Variants in LETM1 observed in about 807,000 individuals in gnomAD.
LETM1 encodes mitochondrial proton/calcium exchanger protein.
A neutral mutation model predicts 74.5 loss-of-function variants in LETM1; 50 were observed. The ratio of observed to expected loss-of-function variants is 0.67; its 90% confidence interval spans 0.53 to 0.85. The LOEUF (loss-of-function observed/expected upper bound fraction) is 0.85, where lower values mean the gene tolerates loss of function less well. LETM1 is among the 40% of genes least tolerant of loss of function. The pLI, the probability that LETM1 is intolerant of heterozygous loss-of-function variation, is 0.00. For synonymous variants in LETM1, 446 were observed against 407.1 expected (o/e 1.10, Z -1.15); for missense variants, 824 against 967.8 (o/e 0.85, Z 1.97).
intron 10 of LETM1, 64 bp from the exon 11 acceptor site, chr4:1,819,536 T>A (rs1711698611): frequency 4.5e-6 from 7 of 1,544,756 alleles, no homozygotes; most frequent in Middle Eastern, 3.5e-4. Flanking sequence ...TGTTCCCAAG[T>A]GACCAGCTGC....
At chr4:1,835,084 T>C (rs954274108) in intron 4 of LETM1, 102 bp from the exon 5 acceptor site, 7 of 1,093,272 alleles carry the variant, frequency 6.4e-6, no homozygotes, top group Non-Finnish European at 7.9e-6. Flanking sequence ...CAGAAACATT[T>C]CACAACACAC....
chr4:1,828,993 AC>A (rs1329413768), intron 6 of LETM1, among the ~76,000 whole-genome samples: 67 of 46,196 alleles, frequency 1.5e-3, no homozygotes, highest in South Asian at 2.6e-3. Flanking sequence ...AGGGGGGCTG[AC>A]CCCCCCCCAC....
In LETM1 at chr4:1,814,123, C is replaced by A. The variant is rs1232735798; in HGVS notation, c.*301G>T. ...GCACAGTCAGATGCTGAGACTGAGG[C>A]CACACACATGGGGGCGCCTTCCTGC... On this transcript the variant is annotated 3_prime_UTR_variant, in exon 14 of 14. Coordinates refer to ENST00000302787, the MANE Select transcript of LETM1 (RefSeq NM_012318.3). 13 of 413,200 alleles carry A rather than the reference C, an allele frequency of 3.1e-5. No individual in the cohort carries two copies. Among genetic ancestry groups the A allele is most frequent in the East Asian group, 5.2e-5 (1 of 19,076 alleles). The allele number at this position is 413,200 out of a possible 1,614,324, so 25.6% of individuals were successfully genotyped here.
At chr4:1,833,093 A>G (rs1712337759) in intron 5 of LETM1, 146 bp from the exon 6 acceptor site, 1 of 679,524 alleles carries the variant, frequency 1.5e-6, no homozygotes, top group African/African-American at 1.8e-5. Context: ...TTTGTTTGAG[A>G]CAGGGTCTCG....
chr4:1,829,242 G>A (rs1712165951), intron 6 of LETM1, among the ~76,000 whole-genome samples: 10 of 131,684 alleles, frequency 7.6e-5, no homozygotes, highest in South Asian at 2.9e-4. Flanking sequence ...CCTCCCTCCC[G>A]GACGGGGCGG....
In LETM1 at chr4:1,834,804, C is replaced by A; in HGVS notation, c.876+41G>T. ...AAGGGAAACAGAAAATCAGGGAAGG[C>A]TCCCTGGTGAGGTCACAGGGACTCA... On this transcript the variant is annotated intron_variant, in intron 5 of 13. Transcript: ENST00000302787. This position sits in a 1 kb window ranked among gnomAD's most constrained non-coding sequence, Gnocchi z 5.0. The A allele has an allele frequency of 6.2e-7, 1 of 1,608,366 alleles. No homozygotes were observed. Among genetic ancestry groups the A allele is most frequent in the Non-Finnish European group, 8.5e-7 (1 of 1,176,010 alleles).
intron 2 of LETM1, chr4:1,846,762 A>T (rs1712894966): frequency 6.6e-6 from 1 of 152,172 alleles, no homozygotes. Context: ...TCTGACACAG[A>T]TCTGGCTACT....
chr4:1,823,557 G>A, intron 8 of LETM1, 87 bp downstream of exon 8: 1 of 1,537,766 alleles, frequency 6.5e-7, no homozygotes, highest in Non-Finnish European at 8.9e-7. Flanking sequence ...GTTGAGGAAT[G>A]AGTGCGCTTG....
chr4:1,846,149 G>A (rs965910996), intron 2 of LETM1, among the ~76,000 whole-genome samples: 18 of 152,006 alleles, frequency 1.2e-4, no homozygotes, highest in African/African-American at 3.1e-4. Flanking sequence ...GAGCCACTGC[G>A]CCCGGCCTCA....
chr4:1,829,173 C>A (rs1272672195), intron 6 of LETM1, among the ~76,000 whole-genome samples: 6 of 109,852 alleles, frequency 5.5e-5, no homozygotes, highest in East Asian at 2.7e-4. Context: ...GGGGGCTGAC[C>A]CCCCCCCCAC....
chr4:1,821,420 G>T (rs1051682167), intron 10 of LETM1, among the ~76,000 whole-genome samples: 1 of 151,424 alleles, frequency 6.6e-6, no homozygotes, highest in African/African-American at 2.4e-5. Context: ...TGGGTGTGGT[G>T]GCTCACACCT....
chr4:1,826,909 C>T (rs1438331574), intron 6 of LETM1, among the ~76,000 whole-genome samples: 2 of 152,198 alleles, frequency 1.3e-5, no homozygotes, highest in Non-Finnish European at 2.9e-5. Context: ...GTGGAGTCGG[C>T]GCTCCACCCA....
intron 6 of LETM1, among the ~76,000 whole-genome samples, chr4:1,831,751 A>G (rs1712277868): frequency 6.6e-6 from 1 of 152,262 alleles, no homozygotes; most frequent in Non-Finnish European, 1.5e-5. Context: ...CCTGCTCACC[A>G]GAGATGCAGG....
intron 10 of LETM1, 34 bp downstream of exon 10, chr4:1,822,147 T>A (rs1344035258): frequency 7.3e-7 from 1 of 1,369,306 alleles, no homozygotes; most frequent in Non-Finnish European, 9.5e-7. Flanking sequence ...CATGCCCTCC[T>A]CAGCCTCCAG....
intron 13 of LETM1, among the ~76,000 whole-genome samples, chr4:1,814,835 T>C (rs943264642): frequency 1.3e-5 from 2 of 152,244 alleles, no homozygotes; most frequent in East Asian, 3.9e-4. Flanking sequence ...GCTGCCAGGG[T>C]CAAGTTCCTG....
intron 2 of LETM1, among the ~76,000 whole-genome samples, chr4:1,842,652 C>A (rs1712742964): frequency 6.6e-6 from 1 of 152,230 alleles, no homozygotes; most frequent in Non-Finnish European, 1.5e-5. Context: ...GGCTCGAGGC[C>A]TCACAGGCAG....
At chr4:1,828,098 T>C (rs1487930271) in intron 6 of LETM1, among the ~76,000 whole-genome samples, 6 of 116,904 alleles carry the variant, frequency 5.1e-5, no homozygotes, top group African/African-American at 6.8e-5. Context: ...GCAGGGGGGC[T>C]GACACCCCCA....
chr4:1,833,002 C>T lies in LETM1; in HGVS notation c.877-55G>A, dbSNP rs570594918. ...GGGACACGCGCCCACCCGGCTCCCT[C>T]CCACGACCAACCACATTCCCAAAGG... On this transcript the variant is annotated intron_variant, in intron 5 of 13. Transcript: ENST00000302787. 6.5e-6 allele frequency: 10 copies of T among 1,530,892 alleles called. No individual in the cohort carries two copies. In the South Asian group the frequency reaches 1.0e-4, roughly 15 times the overall value. The allele number at this position is 1,530,892 out of a possible 1,614,324, so 94.8% of individuals were successfully genotyped here.
At chr4:1,823,828 C>T in intron 7 of LETM1, 53 bp from the exon 8 acceptor site, 1 of 1,558,006 alleles carries the variant, frequency 6.4e-7, no homozygotes, top group Non-Finnish European at 8.7e-7. Flanking sequence ...CCTGCTGGCC[C>T]CACAGCAGGT....
Sources: allele counts gnomAD v4.1 joint callset (sites outside exome capture counted in the v4.1 genomes callset), GRCh38; gene constraint gnomAD v4.1.1; non-coding constraint Gnocchi (gnomAD v3.1); transcripts MANE v1.5; gene names NCBI Gene and HGNC (gene_info 2026-07-23, HGNC 2026-07-21).